The following ATL2 variants were observed in gnomAD, a reference collection of about 807,000 sequenced individuals.
ATL2 encodes the protein atlastin-2.
A neutral mutation model predicts 73.9 loss-of-function variants in ATL2; 31 were observed. The ratio of observed to expected loss-of-function variants is 0.42; its 90% confidence interval spans 0.32 to 0.57. The LOEUF (loss-of-function observed/expected upper bound fraction) is 0.57. ATL2 is among the 20% of genes least tolerant of loss of function. ATL2 has a pLI of 0.14. For synonymous variants in ATL2, 291 were observed against 237.5 expected, an observed-to-expected ratio of 1.23 and a Z score of -2.07; for missense variants, 738 against 702.6, an observed-to-expected ratio of 1.05 and a Z score of -0.57.
intron 2 of ATL2, among the ~76,000 whole-genome samples, chr2:38,330,209 C>A (rs1573499279): frequency 1.4e-5 from 2 of 139,336 alleles, no homozygotes; most frequent in Non-Finnish European, 1.5e-5. Flanking sequence ...AACATTCATT[C>A]AGGATTTAAA....
intron 9 of ATL2, among the ~76,000 whole-genome samples, chr2:38,307,317 C>T (rs1357416622): frequency 6.6e-6 from 1 of 151,838 alleles, no homozygotes; most frequent in East Asian, 2.0e-4. Context: ...AATCTTTTCC[C>T]AGAGCAATGT....
At chr2:38,303,505 C>G (rs1419775762) in intron 9 of ATL2, among the ~76,000 whole-genome samples, 1 of 151,860 alleles carries the variant, frequency 6.6e-6, no homozygotes, top group African/African-American at 2.4e-5. Flanking sequence ...GAGCTTAACA[C>G]AAGACCTGAA....
intron 2 of ATL2, among the ~76,000 whole-genome samples, chr2:38,327,726 A>G (rs1321703714): frequency 6.6e-6 from 1 of 152,178 alleles, no homozygotes; most frequent in South Asian, 2.1e-4. Context: ...ACCTGAGGTC[A>G]GGAGTTCGTG....
chr2:38,318,399 G>A, intron 4 of ATL2, 136 bp downstream of exon 4: 2 of 519,916 alleles, frequency 3.8e-6, no homozygotes, highest in Non-Finnish European at 6.6e-6. Flanking sequence ...CCAGGAGGCA[G>A]AGGTTGCAGT....
rs554975229 is a variant in ATL2 at position 38,312,640 on chromosome 2, C to T, written c.804+511G>A. ...AGGAGAATCGCTTGAACCCGGGAAGCGGAGGTTGCAGTGAGCCAAGATCGT... is the reference window on the plus strand; with the variant it reads ...AGGAGAATCGCTTGAACCCGGGAAGTGGAGGTTGCAGTGAGCCAAGATCGT... On this transcript the variant is annotated intron_variant, in intron 7 of 12. Coordinates refer to ENST00000378954, the MANE Select transcript of ATL2 (RefSeq NM_001135673.4). 4.5e-4 allele frequency among the ~76,000 whole-genome samples: 67 copies of T among 147,320 alleles called. 1 individual carries two copies. The highest frequency in any genetic ancestry group is 5.1e-4 in the African/African-American group (20 of 39,546).
At position 38,322,361 on chromosome 2, in the gene ATL2, T is replaced by C. The variant is rs553358671; in HGVS notation, c.364-3342A>G. Among the ~76,000 whole-genome samples, 10 of 152,350 alleles carry C rather than the reference T, an allele frequency of 6.6e-5. No individual in the cohort carries two copies. The East Asian group carries it at 1.9e-3, about 29-fold the overall frequency. ...TTTGTTTGTTTCATTCTTACAAGTATTCCCATCACAGAGAAGTGTGCCTGG... is the reference window on the plus strand; with the variant it reads ...TTTGTTTGTTTCATTCTTACAAGTACTCCCATCACAGAGAAGTGTGCCTGG... On this transcript the variant is annotated intron_variant, in intron 2 of 12. Coordinates refer to ENST00000378954, the MANE Select transcript of ATL2 (RefSeq NM_001135673.4).
intron 1 of ATL2, among the ~76,000 whole-genome samples, chr2:38,364,595 G>A (rs1431755604): frequency 1.3e-5 from 2 of 152,142 alleles, no homozygotes; most frequent in Non-Finnish European, 2.9e-5. Context: ...CTTATAAAAC[G>A]ACAATGTACT....
At chr2:38,355,797 A>G (rs1336357251) in intron 1 of ATL2, among the ~76,000 whole-genome samples, 4 of 149,762 alleles carry the variant, frequency 2.7e-5, no homozygotes, top group African/African-American at 4.9e-5. Context: ...TCTTGCAGGT[A>G]CAAGCAATTC....
intron 2 of ATL2, among the ~76,000 whole-genome samples, chr2:38,332,735 G>C (rs1669072372): frequency 6.6e-6 from 1 of 152,182 alleles, no homozygotes; most frequent in African/African-American, 2.4e-5. Context: ...GTCCAGGGGA[G>C]AATGAATGGC....
chr2:38,358,447 A>G lies in ATL2; in HGVS notation c.119-14935T>C, dbSNP rs61473078. On this transcript the variant is annotated intron_variant, in intron 1 of 12. Transcript: ENST00000378954. Reference sequence around the variant, plus strand: ...GCTGGGCGCGGTGGCTCACACCTGTAATCCCAGCACTTTGGGAGGCCAAGG... The same window carrying G: ...GCTGGGCGCGGTGGCTCACACCTGTGATCCCAGCACTTTGGGAGGCCAAGG... The G allele has an allele frequency of 7.3e-3, 1,239 of 168,842 alleles. 15 individuals are homozygous for G. The highest frequency in any genetic ancestry group is 0.058 in the East Asian group (309 of 5,300). 10.5% of individuals were successfully genotyped at this position (168,842 alleles called of 1,614,324 possible).
At chr2:38,339,090 C>A (rs951911944) in intron 2 of ATL2, among the ~76,000 whole-genome samples, 2 of 152,138 alleles carry the variant, frequency 1.3e-5, no homozygotes, top group Admixed American at 6.5e-5. Context: ...GTGGCAGGCA[C>A]CTGTAATCCC....
chr2:38,312,178 T>C (rs1028351071), intron 7 of ATL2, among the ~76,000 whole-genome samples: 1 of 152,184 alleles, frequency 6.6e-6, no homozygotes, highest in Non-Finnish European at 1.5e-5. Flanking sequence ...GGGTAGCCTG[T>C]AAGTATCTGA....
At chr2:38,370,481 A>T (rs867769130) in intron 1 of ATL2, among the ~76,000 whole-genome samples, 19 of 127,834 alleles carry the variant, frequency 1.5e-4, no homozygotes, top group Admixed American at 5.6e-4. Flanking sequence ...AAAAAAAAAA[A>T]ATCAACCCAG....
intron 2 of ATL2, among the ~76,000 whole-genome samples, chr2:38,324,025 C>T (rs1326764274): frequency 6.6e-6 from 1 of 152,182 alleles, no homozygotes; most frequent in Non-Finnish European, 1.5e-5. Context: ...CCTGTAATCC[C>T]AGCACTTTGG....
chr2:38,329,301 G>A lies in ATL2; in HGVS notation c.364-10282C>T, dbSNP rs537220490. On this transcript the variant is annotated intron_variant, in intron 2 of 12. Coordinates refer to ENST00000378954, the MANE Select transcript of ATL2 (RefSeq NM_001135673.4). Reference sequence around the variant, plus strand: ...AAATTAGCCAGGCATGGTGGTGGGCGCCTGTAATCCCAGCTACCCAGGAGA... The same window carrying A: ...AAATTAGCCAGGCATGGTGGTGGGCACCTGTAATCCCAGCTACCCAGGAGA... Among the ~76,000 whole-genome samples the A allele has an allele frequency of 2.7e-5, 4 of 150,140 alleles. No individual in the cohort carries two copies. In the South Asian group the frequency reaches 6.4e-4, roughly 24 times the overall value.
chr2:38,332,363 C>T (rs1465092929), intron 2 of ATL2, among the ~76,000 whole-genome samples: 4 of 152,024 alleles, frequency 2.6e-5, no homozygotes, highest in Non-Finnish European at 2.9e-5. Context: ...CACACCACCA[C>T]GCTCGGCTAA....
In ATL2 at chr2:38,338,859, C is replaced by A. The variant is rs370761359; in HGVS notation, c.363+4409G>T. On this transcript the variant is annotated intron_variant, in intron 2 of 12. Transcript: ENST00000378954. The stretch of plus-strand genomic sequence containing the variant: ...CCAAAATCCCATCACCCCAGTCTAA[C>A]CATGACAGAAATGTAAGACAAACTT... Among the ~76,000 whole-genome samples, 66 of 152,260 alleles carry A rather than the reference C, an allele frequency of 4.3e-4. 3 individuals are homozygous for A. In the South Asian group the frequency reaches 7.7e-3, roughly 18 times the overall value.
Position 38,296,068 on chromosome 2 carries a change from G to A in ATL2, c.1678C>T (p.Gln560Ter). ...GCTTTGATAGAGTTTGTTACAGACT[G>A]CCTTATGTTTTCCTCCATCAAATTA... ...GDNLMEENIR[Q>*]SVTNSIKAGL... The change falls in exon 13 of 13, where the codon CAG becomes TAG. Residue 560 changes from glutamine (Q) to a stop codon, truncating the protein, a stop_gained. Coordinates refer to ENST00000378954, the MANE Select transcript of ATL2 (RefSeq NM_001135673.4). LOFTEE classifies it high-confidence loss of function. 6.4e-7 allele frequency: 1 copy of A among 1,551,554 alleles called. No homozygotes were observed. Among genetic ancestry groups the A allele is most frequent in the Non-Finnish European group, 8.7e-7 (1 of 1,146,826 alleles).
rs1409217631 is a variant in ATL2 at position 38,377,131 on chromosome 2, G to C, written c.118+12C>G. ...ATCAGGGCCCCGCGGCCTCTGCCTC[G>C]CTGGCCCGTACCTAGGGAGGTCGTG... On this transcript the variant is annotated intron_variant, in intron 1 of 12. Coordinates refer to ENST00000378954, the MANE Select transcript of ATL2 (RefSeq NM_001135673.4). The C allele has an allele frequency of 1.2e-6, 2 of 1,607,858 alleles. No homozygotes were observed. The highest frequency in any genetic ancestry group is 1.1e-5 in the South Asian group (1 of 90,842).
Sources: gnomAD v4.1 joint callset for allele counts (sites outside exome capture counted in the v4.1 genomes callset) on GRCh38, gnomAD v4.1.1 for gene constraint, MANE v1.5 for transcripts, NCBI Gene and HGNC (gene_info 2026-07-23, HGNC 2026-07-21) for gene names.